SMARCA2: variants seen among roughly 807,000 people sequenced by gnomAD.
SMARCA2 encodes the protein SWI/SNF-related matrix-associated actin-dependent regulator of chromatin subfamily A member 2.
Under a neutral mutation model 199.8 loss-of-function variants are expected in SMARCA2, and 61 were observed. The observed-to-expected ratio is 0.31, with a 90% confidence interval of 0.25 to 0.38. The LOEUF (loss-of-function observed/expected upper bound fraction) is 0.38. SMARCA2 is among the 10% of genes least tolerant of loss of function. The probability of loss-of-function intolerance (pLI) is 1.00; values close to 1 mark genes in which losing one functional copy is unlikely to be tolerated. For missense variants in SMARCA2, 1,344 were observed against 2,012.2 expected (o/e 0.67, Z 6.35); for synonymous variants, 935 against 732.0 (o/e 1.28, Z -4.48).
rs575633661 is a variant in SMARCA2 at position 2,088,508 on chromosome 9, A to G, written c.2778A>G (p.Leu926=). 1 of 1,576,584 alleles carries G rather than the reference A, an allele frequency of 6.3e-7. No homozygotes were observed. Among genetic ancestry groups the G allele is most frequent in the South Asian group, 1.2e-5 (1 of 83,088 alleles). Residue 926 remains leucine (L), a synonymous_variant, in exon 19 of 34, where the codon TTA becomes TTG. Coordinates refer to ENST00000349721, the MANE Select transcript of SMARCA2 (RefSeq NM_003070.5). ...ATAAGCCTCTCTTACAGGTGGACTT[A>G]AATGAAGAAGAAACTATATTGATCA... is the stretch of plus-strand genomic sequence containing the variant. The part of the protein sequence containing the change: ...PFAMTGERVD[L]NEEETILIIR...
At chr9:2,032,868 G>A in intron 2 of SMARCA2, 84 bp from the exon 3 acceptor site, 1 of 1,301,348 alleles carries the variant, frequency 7.7e-7, no homozygotes, top group Non-Finnish European at 1.1e-6. Context: ...CACTTTTAAA[G>A]AACTTAGGAA....
chr9:2,103,795 T>G (rs1349386185), intron 22 of SMARCA2, among the ~76,000 whole-genome samples: 3 of 152,106 alleles, frequency 2.0e-5, no homozygotes, highest in African/African-American at 7.2e-5. Context: ...GCAATGCACT[T>G]TTCATGGGTT....
chr9:2,075,941 A>C lies in SMARCA2; in HGVS notation c.1936-288A>C, dbSNP rs138148137. Among the ~76,000 whole-genome samples the C allele has an allele frequency of 1.4e-4, 22 of 152,324 alleles. No individual in the cohort carries two copies. The East Asian group carries it at 4.1e-3, about 28-fold the overall frequency. ...ACAGGACTCTGATAACCAAATAATGATAAACATTTATGTTTCTGGCATGAT... is the reference window on the plus strand; with the variant it reads ...ACAGGACTCTGATAACCAAATAATGCTAAACATTTATGTTTCTGGCATGAT... On this transcript the variant is annotated intron_variant, in intron 12 of 33. Transcript: ENST00000349721.
intron 27 of SMARCA2, among the ~76,000 whole-genome samples, chr9:2,141,988 G>A (rs965262811): frequency 9.9e-5 from 15 of 152,142 alleles, no homozygotes; most frequent in African/African-American, 1.2e-4. Context: ...AGACCTGCCC[G>A]TGAAGGCTGT....
rs1011208504 is a variant in SMARCA2, at chr9:2,119,814, C to T, written c.3762+279C>T. ...ATGAGATCGGGCAGTACCAGGCCCACATCTTTGTGTGGAAACAGTTGGCCA... is the reference window on the plus strand; with the variant it reads ...ATGAGATCGGGCAGTACCAGGCCCATATCTTTGTGTGGAAACAGTTGGCCA... On this transcript the variant is annotated intron_variant, in intron 26 of 33. Transcript: ENST00000349721. The surrounding 1 kb of genome is among the most constrained non-coding windows in gnomAD (Gnocchi z 4.6). 2.0e-5 allele frequency among the ~76,000 whole-genome samples: 3 copies of T among 152,218 alleles called. No homozygotes were observed. Among genetic ancestry groups the T allele is most frequent in the Non-Finnish European group, 4.4e-5 (3 of 68,038 alleles).
In SMARCA2 at chr9:2,159,931, C is replaced by G. The variant is rs754333557; in HGVS notation, c.3982-1755C>G. 3 of 1,598,694 alleles carry G rather than the reference C, an allele frequency of 1.9e-6. No homozygotes were observed. In the African/African-American group the frequency reaches 4.0e-5, roughly 21 times the overall value. On this transcript the variant is annotated intron_variant, in intron 27 of 33. Coordinates refer to ENST00000349721, the MANE Select transcript of SMARCA2 (RefSeq NM_003070.5). ...TAAGGTAAATATCCTTTTTCGTTGCCGTCTTGAAGATTCAGTAGAACTACA... is the reference window on the plus strand; with the variant it reads ...TAAGGTAAATATCCTTTTTCGTTGCGGTCTTGAAGATTCAGTAGAACTACA...
At chr9:2,146,798 T>G (rs936674204) in intron 27 of SMARCA2, among the ~76,000 whole-genome samples, 3 of 152,176 alleles carry the variant, frequency 2.0e-5, no homozygotes, top group Admixed American at 6.5e-5. Flanking sequence ...TAAACTGTCA[T>G]GGCTCTGGTG....
At chr9:2,052,483 CAAAG>C in intron 5 of SMARCA2, among the ~76,000 whole-genome samples, 1 of 150,400 alleles carries the variant, frequency 6.6e-6, no homozygotes, top group East Asian at 2.1e-4. Flanking sequence ...CTCAAACAAA[CAAAG>C]AAAAAACAAT....
Position 2,181,748 on chromosome 9 carries a change from T to C in SMARCA2, c.4359+72T>C, listed in dbSNP as rs541013470. The stretch of plus-strand genomic sequence containing the variant: ...CAGTGTAAAGTCATTGAAATGGTTG[T>C]AGTTGGAGCTGACCGCCACTGATGG... On this transcript the variant is annotated intron_variant, in intron 30 of 33. Transcript: ENST00000349721. 897 of 845,202 alleles carry C rather than the reference T, an allele frequency of 1.1e-3. 2 individuals carry two copies. The highest frequency in any genetic ancestry group is 1.5e-3 in the Non-Finnish European group (728 of 497,182). 52.4% of individuals were successfully genotyped at this position (845,202 alleles called of 1,614,324 possible).
intron 23 of SMARCA2, among the ~76,000 whole-genome samples, chr9:2,109,317 A>G (rs1822888107): frequency 6.6e-6 from 1 of 152,210 alleles, no homozygotes; most frequent in Non-Finnish European, 1.5e-5. Context: ...AAATATGTTC[A>G]GATGGAATAC....
intron 28 of SMARCA2, among the ~76,000 whole-genome samples, chr9:2,166,890 C>A (rs1825958990): frequency 6.6e-6 from 1 of 152,208 alleles, no homozygotes; most frequent in Non-Finnish European, 1.5e-5. Context: ...TCCAATCTAT[C>A]ACCCTAGAAA....
intron 27 of SMARCA2, among the ~76,000 whole-genome samples, chr9:2,151,523 C>T (rs546959578): frequency 8.4e-5 from 12 of 143,508 alleles, no homozygotes; most frequent in Non-Finnish European, 1.3e-4. Context: ...CCTGAGGCCA[C>T]GAATTTGAGA....
chr9:2,106,303 C>G (rs1586711396), intron 23 of SMARCA2, among the ~76,000 whole-genome samples: 2 of 152,190 alleles, frequency 1.3e-5, no homozygotes, highest in Admixed American at 1.3e-4. Context: ...CTAGCTACAA[C>G]ATTTTAAGAA....
intron 29 of SMARCA2, among the ~76,000 whole-genome samples, chr9:2,177,737 A>G (rs1826714696): frequency 6.6e-6 from 1 of 151,992 alleles, no homozygotes; most frequent in Admixed American, 6.5e-5. Flanking sequence ...TTTTTAGTAG[A>G]GAGGGGGTTT....
intron 26 of SMARCA2, among the ~76,000 whole-genome samples, chr9:2,120,407 G>A (rs370174485): frequency 7.2e-5 from 11 of 152,180 alleles, no homozygotes; most frequent in South Asian, 6.2e-4. Flanking sequence ...GACCTATGTC[G>A]CCAGAAATGA....
At chr9:2,058,246 C>T (rs1820441387) in intron 7 of SMARCA2, 45 bp from the exon 8 acceptor site, 1 of 1,531,722 alleles carries the variant, frequency 6.5e-7, no homozygotes, top group Non-Finnish European at 9.0e-7. Flanking sequence ...GGACACTGGT[C>T]ATTGGATTTT....
intron 27 of SMARCA2, among the ~76,000 whole-genome samples, chr9:2,154,568 T>C (rs1825243455): frequency 6.6e-6 from 1 of 152,194 alleles, no homozygotes; most frequent in Non-Finnish European, 1.5e-5. Context: ...TCTGAAAGTC[T>C]GACTTGTTGC....
chr9:2,174,166 G>A (rs1043384054), intron 29 of SMARCA2, among the ~76,000 whole-genome samples: 2 of 152,012 alleles, frequency 1.3e-5, no homozygotes, highest in Non-Finnish European at 2.9e-5. Context: ...CCCCTCTTTC[G>A]AGGGTCTCTG....
rs2274095 is a variant in SMARCA2 at position 2,161,949 on chromosome 9, C to A, written c.4199+46C>A. On this transcript the variant is annotated intron_variant, in intron 28 of 33. Transcript: ENST00000349721. This position sits in a 1 kb window ranked among gnomAD's most constrained non-coding sequence, Gnocchi z 4.7. ...CCTTGATCATCTCTCACCAAGACGC[C>A]GAGTGGCGCTCCCTGAGGAGCAGGA... 2.4e-5 allele frequency: 36 copies of A among 1,502,648 alleles called. No homozygotes were observed. 93.1% of individuals were successfully genotyped at this position (1,502,648 alleles called of 1,614,324 possible).
Sources: allele counts gnomAD v4.1 joint callset (sites outside exome capture counted in the v4.1 genomes callset), GRCh38; gene constraint gnomAD v4.1.1; non-coding constraint Gnocchi (gnomAD v3.1); transcripts MANE v1.5; gene names NCBI Gene and HGNC (gene_info 2026-07-23, HGNC 2026-07-21).